Variants in PRR5L observed in about 807,000 individuals in gnomAD.
PRR5L encodes proline rich 5 like.
In PRR5L, 21 loss-of-function variants were observed where a neutral mutation model predicts 36.4. The observed-to-expected ratio is 0.58, with a 90% CI of 0.41 to 0.83. PRR5L has a LOEUF of 0.83. PRR5L is among the 40% of genes least tolerant of loss of function. PRR5L has a pLI of 0.00. For missense variants in PRR5L, 381 were observed against 473.3 expected, an observed-to-expected ratio of 0.80 and a Z score of 1.81; for synonymous variants, 188 against 197.0, an observed-to-expected ratio of 0.95 and a Z score of 0.38.
At chr11:36,305,723 G>A (rs920560086) in intron 1 of PRR5L, among the ~76,000 whole-genome samples, 7 of 152,112 alleles carry the variant, frequency 4.6e-5, no homozygotes, top group Non-Finnish European at 8.8e-5. Flanking sequence ...CAGCAAGAAG[G>A]CACCGTCTAT....
intron 1 of PRR5L, among the ~76,000 whole-genome samples, chr11:36,329,593 G>T (rs1253491862): frequency 6.6e-6 from 1 of 152,114 alleles, no homozygotes; most frequent in African/African-American, 2.4e-5. Flanking sequence ...TTATAAATAA[G>T]TCATCTCATT....
At chr11:36,423,315 TC>T (rs1005533445) in intron 4 of PRR5L, among the ~76,000 whole-genome samples, 5 of 152,268 alleles carry the variant, frequency 3.3e-5, no homozygotes, top group African/African-American at 1.2e-4. Context: ...TCTGCAAGAG[TC>T]CCAGGAGGCC....
At chr11:36,397,826 G>A (rs1231255412) in intron 1 of PRR5L, among the ~76,000 whole-genome samples, 3 of 145,550 alleles carry the variant, frequency 2.1e-5, no homozygotes, top group Admixed American at 1.4e-4. Context: ...GACGAGTTTC[G>A]CTCTTGTTGC....
intron 4 of PRR5L, among the ~76,000 whole-genome samples, chr11:36,426,653 T>G (rs925514673): frequency 1.3e-5 from 2 of 152,258 alleles, no homozygotes; most frequent in African/African-American, 4.8e-5. Context: ...GAGCCTCAAG[T>G]TCTTTATTTG....
intron 1 of PRR5L, among the ~76,000 whole-genome samples, chr11:36,316,573 T>A (rs1001985531): frequency 6.6e-6 from 1 of 152,124 alleles, no homozygotes; most frequent in South Asian, 2.1e-4. Flanking sequence ...TCTTGCTGTC[T>A]TCTGTTCCTG....
At chr11:36,416,786 T>G (rs975135887) in intron 3 of PRR5L, among the ~76,000 whole-genome samples, 3 of 151,218 alleles carry the variant, frequency 2.0e-5, no homozygotes, top group African/African-American at 7.3e-5. Flanking sequence ...GCTTCCACCC[T>G]CCCTGTAGAG....
chr11:36,321,087 C>G (rs1856609685), intron 1 of PRR5L: 1 of 152,168 alleles, frequency 6.6e-6, no homozygotes, highest in South Asian at 2.1e-4. Flanking sequence ...AAAAAAGTAA[C>G]AGAGGCCTAT....
chr11:36,373,151 T>G (rs1490645050), intron 1 of PRR5L, among the ~76,000 whole-genome samples: 2 of 152,166 alleles, frequency 1.3e-5, no homozygotes, highest in East Asian at 3.9e-4. Flanking sequence ...TAGCTACTCT[T>G]TCAACAGGAG....
intron 1 of PRR5L, among the ~76,000 whole-genome samples, chr11:36,308,992 ACAAAGTTTTTATTTTG>A (rs1415420877): frequency 6.6e-6 from 1 of 152,246 alleles, no homozygotes; most frequent in South Asian, 2.1e-4. Context: ...TTCCTCAGTC[ACAAAGTTTTTATTTTG>A]CAGCAGTATT....
chr11:36,346,087 C>A (rs1300291775), intron 1 of PRR5L, among the ~76,000 whole-genome samples: 1 of 152,022 alleles, frequency 6.6e-6, no homozygotes, highest in Non-Finnish European at 1.5e-5. Flanking sequence ...GAGATGGGGC[C>A]TTATCATCTT....
chr11:36,388,773 A>G (rs1330129948), intron 1 of PRR5L, among the ~76,000 whole-genome samples: 4 of 133,230 alleles, frequency 3.0e-5, no homozygotes. Context: ...ATCTCGGCTC[A>G]CTGCAAGCTC....
intron 1 of PRR5L, among the ~76,000 whole-genome samples, chr11:36,391,781 A>G (rs1271819318): frequency 6.6e-6 from 1 of 152,260 alleles, no homozygotes; most frequent in Non-Finnish European, 1.5e-5. Flanking sequence ...ACATCAGGGT[A>G]AATGGGGTAT....
Position 36,451,699 on chromosome 11 carries a change from T to G in PRR5L, c.712+364T>G, listed in dbSNP as rs142052892. ...TGCTTTGTTACACCCTCCCTCTGGTTGAGTAGAGAAACCTCCTGAGATAGA... is the reference window on the plus strand; with the variant it reads ...TGCTTTGTTACACCCTCCCTCTGGTGGAGTAGAGAAACCTCCTGAGATAGA... On this transcript the variant is annotated intron_variant, in intron 8 of 8. Transcript: ENST00000530639. 3.9e-5 allele frequency among the ~76,000 whole-genome samples: 6 copies of G among 152,336 alleles called. No homozygotes were observed. The East Asian group carries it at 1.2e-3, about 29-fold the overall frequency.
chr11:36,374,047 CTCCT>C (rs59668248), intron 1 of PRR5L, among the ~76,000 whole-genome samples: 15,488 of 117,614 alleles, frequency 0.13, 1,385 homozygotes, highest in Middle Eastern at 0.2. Flanking sequence ...TAATTTTTTC[CTCCT>C]TCCTTCCTTC....
intron 1 of PRR5L, among the ~76,000 whole-genome samples, chr11:36,340,946 A>C (rs1460042999): frequency 6.6e-6 from 1 of 152,168 alleles, no homozygotes; most frequent in African/African-American, 2.4e-5. Flanking sequence ...GCTTTCTTCT[A>C]TCTCTCATGG....
At chr11:36,321,236 T>A (rs1856610964) in intron 1 of PRR5L, 1 of 152,232 alleles carries the variant, frequency 6.6e-6, no homozygotes, top group Non-Finnish European at 1.5e-5. Context: ...TCAGATTGTT[T>A]TCTTCCTCTC....
intron 8 of PRR5L, among the ~76,000 whole-genome samples, chr11:36,456,592 G>A (rs749767309): frequency 1.3e-5 from 2 of 152,218 alleles, no homozygotes; most frequent in Non-Finnish European, 2.9e-5. Flanking sequence ...GTGTATGTGG[G>A]TCACAAGCTG....
intron 4 of PRR5L, among the ~76,000 whole-genome samples, 156 bp from the exon 5 acceptor site, chr11:36,431,697 C>A (rs746762): frequency 0.23 from 34,391 of 151,998 alleles, 4,125 homozygotes; most frequent in East Asian, 0.38. Flanking sequence ...GAAGCCTTAA[C>A]CTTCCAAGAG....
chr11:36,407,447 A>C (rs754963048), intron 3 of PRR5L, among the ~76,000 whole-genome samples: 19 of 152,216 alleles, frequency 1.2e-4, no homozygotes, highest in African/African-American at 1.4e-4. Context: ...CTCACTTTGA[A>C]CTAGAGAGTC....
Sources: gnomAD v4.1 joint callset for allele counts (sites outside exome capture counted in the v4.1 genomes callset) on GRCh38, gnomAD v4.1.1 for gene constraint, MANE v1.5 for transcripts, NCBI Gene and HGNC (gene_info 2026-07-23, HGNC 2026-07-21) for gene names.